CDYL2: variants seen among roughly 807,000 people sequenced by gnomAD.
CDYL2 encodes chromodomain Y like 2.
In CDYL2, 23 loss-of-function variants were observed where a neutral mutation model predicts 49.4. The observed-to-expected ratio is 0.47, with a 90% CI of 0.34 to 0.66. The LOEUF (loss-of-function observed/expected upper bound fraction) is 0.66. Ranked by LOEUF, CDYL2 falls within the 30% of genes least tolerant of loss-of-function variation. CDYL2 has a pLI of 0.01. For missense variants in CDYL2, 678 were observed against 656.4 expected (o/e 1.03, Z -0.36); for synonymous variants, 360 against 268.8 (o/e 1.34, Z -3.32).
At chr16:80,765,124 T>C (rs927049692) in intron 1 of CDYL2, among the ~76,000 whole-genome samples, 2 of 136,666 alleles carry the variant, frequency 1.5e-5, no homozygotes, top group African/African-American at 5.4e-5. Context: ...GTATAACATA[T>C]AGTACTATAT....
chr16:80,661,959 G>T (rs986299370), intron 2 of CDYL2, among the ~76,000 whole-genome samples: 2 of 152,114 alleles, frequency 1.3e-5, no homozygotes, highest in Non-Finnish European at 2.9e-5. Context: ...AAACAATCAG[G>T]TGGGGGAACT....
intron 1 of CDYL2, among the ~76,000 whole-genome samples, chr16:80,739,607 G>A (rs534799077): frequency 6.6e-6 from 1 of 152,144 alleles, no homozygotes; most frequent in Admixed American, 6.5e-5. Context: ...GCACACCAGA[G>A]AGACCCTAGC....
At chr16:80,755,289 G>C (rs150220823) in intron 1 of CDYL2, among the ~76,000 whole-genome samples, 1,847 of 152,298 alleles carry the variant, frequency 0.012, 47 homozygotes, top group African/African-American at 0.042. Flanking sequence ...TTACCAAGGA[G>C]TCTGGACATC....
intron 1 of CDYL2, among the ~76,000 whole-genome samples, chr16:80,797,165 G>A (rs906213564): frequency 2.0e-5 from 3 of 151,654 alleles, no homozygotes; most frequent in Admixed American, 6.6e-5. Flanking sequence ...AATCCCTATC[G>A]CCATGTCAAA....
chr16:80,701,291 T>A (rs1430626198), intron 1 of CDYL2, among the ~76,000 whole-genome samples: 1 of 152,224 alleles, frequency 6.6e-6, no homozygotes, highest in African/African-American at 2.4e-5. Flanking sequence ...TCACTGTTAA[T>A]CTTCTATGGT....
intron 3 of CDYL2, among the ~76,000 whole-genome samples, chr16:80,621,662 G>C (rs16953684): frequency 0.043 from 6,539 of 152,306 alleles, 456 homozygotes; most frequent in African/African-American, 0.15. Flanking sequence ...AGGTAGTGAT[G>C]AATTCTGGAT....
chr16:80,672,780 G>C (rs10514505), intron 2 of CDYL2, among the ~76,000 whole-genome samples: 70,794 of 152,032 alleles, frequency 0.47, 18,796 homozygotes, highest in Middle Eastern at 0.67. Flanking sequence ...AGGATTAACA[G>C]AGCTGCTAAA....
chr16:80,671,131 C>A (rs1243889965), intron 2 of CDYL2, among the ~76,000 whole-genome samples: 3 of 152,144 alleles, frequency 2.0e-5, no homozygotes, highest in African/African-American at 7.2e-5. Context: ...GTCACCCACA[C>A]CCTGGGCTCC....
At chr16:80,693,291 T>A (rs1366404534) in intron 1 of CDYL2, among the ~76,000 whole-genome samples, 2 of 152,100 alleles carry the variant, frequency 1.3e-5, no homozygotes, top group African/African-American at 4.8e-5. Context: ...TATACCTCAA[T>A]AAAGTTGTTT....
rs946501309 is a variant in CDYL2 at position 80,787,849 on chromosome 16, T to C, written c.24+16301A>G. On this transcript the variant is annotated intron_variant, in intron 1 of 6. Transcript: ENST00000570137. ...TTAATTTTAGTAAAGATTAGTAATG[T>C]GCATGCTCTGGTAATATTTTTTAAT... is the stretch of plus-strand genomic sequence containing the variant. Among the ~76,000 whole-genome samples the C allele has an allele frequency of 5.9e-5, 9 of 152,222 alleles. 1 individual carries two copies. The highest frequency in any genetic ancestry group is 8.8e-5 in the Non-Finnish European group (6 of 68,040).
At chr16:80,652,392 G>C (rs116924469) in intron 2 of CDYL2, among the ~76,000 whole-genome samples, 2,009 of 152,256 alleles carry the variant, frequency 0.013, 13 homozygotes, top group Middle Eastern at 0.024. Context: ...AGTAGTACTG[G>C]ATTAAATCTG....
chr16:80,745,921 G>A (rs371672422), intron 1 of CDYL2, among the ~76,000 whole-genome samples: 12 of 152,158 alleles, frequency 7.9e-5, no homozygotes, highest in South Asian at 2.1e-4. Context: ...GAAGTAACAC[G>A]TGGCCGCGAC....
At chr16:80,683,516 C>T (rs554503059) in intron 2 of CDYL2, among the ~76,000 whole-genome samples, 6 of 152,314 alleles carry the variant, frequency 3.9e-5, no homozygotes, top group African/African-American at 1.4e-4. Flanking sequence ...AATTCCATAA[C>T]CTAACACAAC....
chr16:80,775,600 C>A (rs1031455386), intron 1 of CDYL2, among the ~76,000 whole-genome samples: 13 of 151,468 alleles, frequency 8.6e-5, no homozygotes, highest in Admixed American at 8.5e-4. Flanking sequence ...AGAAATAGCA[C>A]AAATAATCCC....
chr16:80,742,900 T>C (rs913568674), intron 1 of CDYL2, among the ~76,000 whole-genome samples: 4 of 149,852 alleles, frequency 2.7e-5, no homozygotes, highest in South Asian at 2.1e-4. Flanking sequence ...GGAAAAAGAA[T>C]GGATGGATGG....
intron 1 of CDYL2, among the ~76,000 whole-genome samples, chr16:80,756,136 G>A (rs954219278): frequency 1.2e-4 from 19 of 152,020 alleles, no homozygotes; most frequent in Admixed American, 3.9e-4. Flanking sequence ...AAAACTAAAC[G>A]CACCAGTGGT....
chr16:80,610,003 G>A (rs1906523090), intron 5 of CDYL2, among the ~76,000 whole-genome samples: 2 of 152,142 alleles, frequency 1.3e-5, no homozygotes, highest in African/African-American at 4.8e-5. Flanking sequence ...CAAGCTCCCA[G>A]CACAGAGGCA....
At chr16:80,607,085 A>G (rs1301361976) in intron 6 of CDYL2, among the ~76,000 whole-genome samples, 1 of 152,160 alleles carries the variant, frequency 6.6e-6, no homozygotes, top group African/African-American at 2.4e-5. Context: ...TGGTGACCCT[A>G]GTCATTAGTA....
At chr16:80,791,488 T>G (rs528668090) in intron 1 of CDYL2, among the ~76,000 whole-genome samples, 1 of 152,314 alleles carries the variant, frequency 6.6e-6, no homozygotes, top group East Asian at 1.9e-4. Flanking sequence ...CATATTCAGC[T>G]GAGTGCTATA....
Sources: allele counts gnomAD v4.1 joint callset (sites outside exome capture counted in the v4.1 genomes callset), GRCh38; gene constraint gnomAD v4.1.1; transcripts MANE v1.5; gene names NCBI Gene and HGNC (gene_info 2026-07-23, HGNC 2026-07-21).